MAN1A1: variants seen among roughly 807,000 people sequenced by gnomAD.
The protein encoded by MAN1A1 is mannosyl-oligosaccharide 1,2-alpha-mannosidase IA.
MAN1A1 carries 29 observed loss-of-function variants against 70.8 expected under a neutral mutation model. The observed-to-expected ratio is 0.41, with a 90% CI of 0.31 to 0.56. The LOEUF (loss-of-function observed/expected upper bound fraction) is 0.56. Ranked by LOEUF, MAN1A1 falls within the 20% of genes least tolerant of loss-of-function variation. MAN1A1 has a pLI of 0.29. For missense variants in MAN1A1, 747 were observed against 841.3 expected (o/e 0.89, Z 1.39); for synonymous variants, 349 against 330.1 (o/e 1.06, Z -0.62).
At chr6:119,301,919 G>T in intron 4 of MAN1A1, 69 bp downstream of exon 4, 1 of 783,074 alleles carries the variant, frequency 1.3e-6, no homozygotes, top group Non-Finnish European at 2.2e-6. Context: ...CAATAATAGG[G>T]CCCACTACAG....
intron 6 of MAN1A1, among the ~76,000 whole-genome samples, chr6:119,237,532 C>A (rs549214493): frequency 6.6e-6 from 1 of 152,128 alleles, no homozygotes; most frequent in East Asian, 1.9e-4. Context: ...TTTTGTCTTG[C>A]GTTTCTTTTC....
chr6:119,230,559 C>T (rs1774648708), intron 6 of MAN1A1, among the ~76,000 whole-genome samples: 1 of 152,226 alleles, frequency 6.6e-6, no homozygotes, highest in African/African-American at 2.4e-5. Flanking sequence ...ATCTACACAT[C>T]CCCTTGATCC....
chr6:119,285,030 G>A (rs1448821115), intron 5 of MAN1A1, among the ~76,000 whole-genome samples: 1 of 146,954 alleles, frequency 6.8e-6, no homozygotes, highest in Non-Finnish European at 1.5e-5. Flanking sequence ...CTTCTGGTGG[G>A]GCCCTCAGGA....
intron 3 of MAN1A1, among the ~76,000 whole-genome samples, chr6:119,306,092 T>G (rs778594764): frequency 6.6e-6 from 1 of 152,218 alleles, no homozygotes; most frequent in Non-Finnish European, 1.5e-5. Flanking sequence ...ACTGTTATTA[T>G]GTGAATTGCT....
At chr6:119,189,572 A>G (rs1389621055) in intron 10 of MAN1A1, 92 bp downstream of exon 10, 3 of 1,079,940 alleles carry the variant, frequency 2.8e-6, no homozygotes, top group Admixed American at 1.7e-5. Flanking sequence ...TCATAGGCAG[A>G]GCGGATAGTC....
intron 6 of MAN1A1, among the ~76,000 whole-genome samples, chr6:119,231,082 T>C (rs1774661490): frequency 6.6e-6 from 1 of 152,168 alleles, no homozygotes; most frequent in Non-Finnish European, 1.5e-5. Flanking sequence ...TGGATGAACA[T>C]AGGGTTACAG....
At chr6:119,321,852 C>G (rs183870740) in intron 2 of MAN1A1, among the ~76,000 whole-genome samples, 2 of 152,218 alleles carry the variant, frequency 1.3e-5, no homozygotes, top group Non-Finnish European at 2.9e-5. Flanking sequence ...CTCCTAACCT[C>G]AAGGGATCCA....
chr6:119,188,298 G>A (rs773201884), intron 11 of MAN1A1, 107 bp downstream of exon 11: 58 of 1,058,526 alleles, frequency 5.5e-5, no homozygotes, highest in Non-Finnish European at 7.4e-5. Context: ...AATCCTGGTC[G>A]AAGCATTAAA....
At chr6:119,326,275 T>A (rs986415252) in intron 2 of MAN1A1, among the ~76,000 whole-genome samples, 1 of 152,222 alleles carries the variant, frequency 6.6e-6, no homozygotes, top group Admixed American at 6.5e-5. Flanking sequence ...CAGGCCGAGC[T>A]GTGTCCTGGC....
intron 5 of MAN1A1, among the ~76,000 whole-genome samples, chr6:119,277,536 T>C (rs1776099392): frequency 6.6e-6 from 1 of 152,030 alleles, no homozygotes; most frequent in Admixed American, 6.6e-5. Context: ...ATAGAATAAA[T>C]CCAGGCCAGG....
intron 8 of MAN1A1, among the ~76,000 whole-genome samples, chr6:119,197,690 C>G (rs1448660505): frequency 1.3e-5 from 2 of 152,126 alleles, no homozygotes; most frequent in African/African-American, 4.8e-5. Context: ...CATGGCCAAG[C>G]AGGCCTCGAT....
At chr6:119,342,093 G>A (rs1773609916) in intron 2 of MAN1A1, among the ~76,000 whole-genome samples, 1 of 152,202 alleles carries the variant, frequency 6.6e-6, no homozygotes, top group Non-Finnish European at 1.5e-5. Flanking sequence ...CATATATTCT[G>A]AAGAAGCTGA....
chr6:119,270,693 T>C (rs1279340176), intron 5 of MAN1A1, among the ~76,000 whole-genome samples: 1 of 152,230 alleles, frequency 6.6e-6, no homozygotes, highest in Non-Finnish European at 1.5e-5. Flanking sequence ...ATGCTGACAA[T>C]AGCCCGCTTG....
chr6:119,298,717 C>T (rs560539168), intron 4 of MAN1A1, among the ~76,000 whole-genome samples: 217 of 152,024 alleles, frequency 1.4e-3, no homozygotes, highest in Non-Finnish European at 2.8e-3. Context: ...CTGCCTCAGC[C>T]CCCCAAGTAG....
chr6:119,250,082 A>G (rs1043795805), intron 5 of MAN1A1, among the ~76,000 whole-genome samples: 2 of 151,974 alleles, frequency 1.3e-5, no homozygotes, highest in Admixed American at 6.6e-5. Context: ...TGGAGAGGAG[A>G]AAAAAAAGTA....
chr6:119,297,644 AT>A (rs886885028), intron 4 of MAN1A1, among the ~76,000 whole-genome samples: 10 of 151,798 alleles, frequency 6.6e-5, no homozygotes, highest in Admixed American at 5.9e-4. Context: ...ACTACTCTGT[AT>A]GCTTGTCACA....
At chr6:119,208,865 C>G (rs1316036951) in intron 6 of MAN1A1, among the ~76,000 whole-genome samples, 1 of 152,060 alleles carries the variant, frequency 6.6e-6, no homozygotes, top group African/African-American at 2.4e-5. Context: ...GAAGCTGAGG[C>G]AGCCAGCCCA....
At chr6:119,213,831 AT>A (rs1774118455) in intron 6 of MAN1A1, among the ~76,000 whole-genome samples, 1 of 152,242 alleles carries the variant, frequency 6.6e-6, no homozygotes, top group Non-Finnish European at 1.5e-5. Context: ...AACAAGGTTT[AT>A]TACTCAAGAG....
intron 2 of MAN1A1, among the ~76,000 whole-genome samples, chr6:119,337,628 C>G (rs1034719643): frequency 6.6e-6 from 1 of 152,166 alleles, no homozygotes; most frequent in African/African-American, 2.4e-5. Context: ...TACTTCCAAC[C>G]CTACACTGTG....
Sources: gnomAD v4.1 joint callset for allele counts (sites outside exome capture counted in the v4.1 genomes callset) on GRCh38, gnomAD v4.1.1 for gene constraint, MANE v1.5 for transcripts, NCBI Gene and HGNC (gene_info 2026-07-23, HGNC 2026-07-21) for gene names.